CACNA1C: variants seen among roughly 807,000 people sequenced by gnomAD.
CACNA1C encodes voltage-dependent L-type calcium channel subunit alpha-1C.
CACNA1C carries 30 observed loss-of-function variants against 229.0 expected under a neutral mutation model. The observed-to-expected ratio is 0.13, with a 90% CI of 0.10 to 0.18. CACNA1C has a LOEUF of 0.18. Among genes scored for constraint, CACNA1C ranks in the 10% least tolerant of loss-of-function variants. The probability of loss-of-function intolerance (pLI) is 1.00; values close to 1 mark genes in which losing one functional copy is unlikely to be tolerated. For synonymous variants in CACNA1C, 1,114 were observed against 1,132.5 expected, an observed-to-expected ratio of 0.98 and a Z score of 0.33; for missense variants, 1,658 against 2,845.0, an observed-to-expected ratio of 0.58 and a Z score of 9.49.
intron 3 of CACNA1C, among the ~76,000 whole-genome samples, chr12:2,153,651 C>T (rs1045136193): frequency 1.2e-4 from 18 of 152,160 alleles, no homozygotes; most frequent in Non-Finnish European, 1.8e-4. Flanking sequence ...AGGACAGGGC[C>T]GTGTTGACAG....
chr12:2,094,144 G>A (rs12297374), intron 1 of CACNA1C, among the ~76,000 whole-genome samples: 2,790 of 152,336 alleles, frequency 0.018, 93 homozygotes, highest in African/African-American at 0.064. Context: ...CTGCCAAAGA[G>A]CCTGGTATTC....
In CACNA1C at chr12:2,459,176, T is replaced by G. The variant is rs1043928566; in HGVS notation, c.757+1470T>G. ...TTTTGTTTTTTTGTGTGTGTTTTTT[T>G]TTTTTTTTTTTTGTATTTTTAGTAG... On this transcript the variant is annotated intron_variant, in intron 5 of 46. Transcript: ENST00000399655. 8.7e-3 allele frequency among the ~76,000 whole-genome samples: 1,284 copies of G among 148,258 alleles called. 17 individuals are homozygous for G. The highest frequency in any genetic ancestry group is 0.044 in the East Asian group (224 of 5,084).
intron 3 of CACNA1C, among the ~76,000 whole-genome samples, chr12:2,351,850 C>T (rs922511053): frequency 4.0e-4 from 61 of 152,160 alleles, no homozygotes; most frequent in African/African-American, 1.4e-3. Context: ...TTCTGCACAC[C>T]GTGGGTCTGG....
rs1057066158 is a variant in CACNA1C, at chr12:2,467,888, G to T, written c.757+10182G>T. ...TGCGACTTCTCTGTTGCCCTGCCAG[G>T]TGCTTTGCCTCGGTTTCTCAATCTA... On this transcript the variant is annotated intron_variant, in intron 5 of 46. Coordinates refer to ENST00000399655, the MANE Select transcript of CACNA1C (RefSeq NM_000719.7). The surrounding 1 kb of genome is among the most constrained non-coding windows in gnomAD (Gnocchi z 4.6). 1.3e-5 allele frequency among the ~76,000 whole-genome samples: 2 copies of T among 152,218 alleles called. No individual in the cohort carries two copies. Among genetic ancestry groups the T allele is most frequent in the African/African-American group, 4.8e-5 (2 of 41,466 alleles).
At chr12:2,102,833 T>C (rs2076931455) in intron 1 of CACNA1C, among the ~76,000 whole-genome samples, 2 of 152,160 alleles carry the variant, frequency 1.3e-5, no homozygotes, top group African/African-American at 4.8e-5. Context: ...GAACACACAG[T>C]GTTTGGTTTT....
rs1245977373 is a variant in CACNA1C at position 2,679,731 on chromosome 12, C to T, written c.5379C>T (p.Gly1793=). The change falls in exon 42 of 47, where the codon GGC becomes GGT. Residue 1793 remains glycine (G), a synonymous_variant. Coordinates refer to ENST00000399655, the MANE Select transcript of CACNA1C (RefSeq NM_000719.7). This position sits in a 1 kb window ranked among gnomAD's most constrained non-coding sequence, Gnocchi z 5.5. ...GYPSTVSTVE[G]HGPPLSPAIR... is the part of the protein sequence containing the mutation. The stretch of plus-strand genomic sequence containing the variant: ...CCAGCACGGTCAGCACTGTGGAGGG[C>T]CACGGGCCCCCCTTGTCCCCTGCCA... 5 of 1,605,016 alleles carry T rather than the reference C, an allele frequency of 3.1e-6. No individual in the cohort carries two copies. The highest frequency in any genetic ancestry group is 4.3e-6 in the Non-Finnish European group (5 of 1,175,940).
intron 1 of CACNA1C, among the ~76,000 whole-genome samples, chr12:2,106,422 G>T (rs1368301251): frequency 1.2e-5 from 1 of 81,064 alleles, no homozygotes; most frequent in Non-Finnish European, 2.7e-5. Context: ...TGAAGCCACT[G>T]GGCGCCCACC....
Position 2,546,561 on chromosome 12 carries a change from A to G in CACNA1C, c.1391-3382A>G, listed in dbSNP as rs1249313966. Reference sequence around the variant, plus strand: ...GTAGCTGGGGTCTTCACATTCTTCCATGCAGTGGCAGGTGTCTTCGTGCTC... The same window carrying G: ...GTAGCTGGGGTCTTCACATTCTTCCGTGCAGTGGCAGGTGTCTTCGTGCTC... On this transcript the variant is annotated intron_variant, in intron 9 of 46. Coordinates refer to ENST00000399655, the MANE Select transcript of CACNA1C (RefSeq NM_000719.7). Among the ~76,000 whole-genome samples the G allele has an allele frequency of 8.6e-5, 13 of 150,702 alleles. No homozygotes were observed. In the East Asian group the frequency reaches 2.6e-3, roughly 30 times the overall value.
At chr12:1,997,954 T>C in intron 1 of CACNA1C, 1 of 1,608,888 alleles carries the variant, frequency 6.2e-7, no homozygotes, top group East Asian at 2.2e-5. Flanking sequence ...ACAAATAAGG[T>C]TCCTTCCACA....
chr12:2,551,235 C>T (rs938714765), intron 10 of CACNA1C, among the ~76,000 whole-genome samples: 1 of 151,958 alleles, frequency 6.6e-6, no homozygotes, highest in Admixed American at 6.6e-5. Flanking sequence ...AGGCCCAAGT[C>T]GCATACCAGG....
intron 5 of CACNA1C, among the ~76,000 whole-genome samples, chr12:2,468,481 G>T (rs1450117692): frequency 6.6e-6 from 1 of 151,816 alleles, no homozygotes; most frequent in Non-Finnish European, 1.5e-5. Context: ...TTTAGAGATA[G>T]GCAAATCCAG....
chr12:2,263,086 G>A (rs2154404424), intron 3 of CACNA1C, among the ~76,000 whole-genome samples: 1 of 152,350 alleles, frequency 6.6e-6, no homozygotes, highest in South Asian at 2.1e-4. Context: ...GCTTTTAATA[G>A]AGGGGTCAGG....
intron 3 of CACNA1C, among the ~76,000 whole-genome samples, chr12:2,427,653 C>T (rs553357293): frequency 2.0e-5 from 3 of 152,228 alleles, no homozygotes; most frequent in East Asian, 1.9e-4. Context: ...TGGAGTTTCA[C>T]GCTTGTCACC....
At chr12:2,335,116 A>C (rs2096652577) in intron 3 of CACNA1C, among the ~76,000 whole-genome samples, 1 of 152,072 alleles carries the variant, frequency 6.6e-6, no homozygotes, top group African/African-American at 2.4e-5. Context: ...TCTCAGCCAC[A>C]CATAGTGCCA....
At chr12:2,068,750 G>A (rs1055229098) in intron 1 of CACNA1C, among the ~76,000 whole-genome samples, 13 of 152,182 alleles carry the variant, frequency 8.5e-5, no homozygotes, top group Admixed American at 2.6e-4. Flanking sequence ...ATCTCACCCC[G>A]TCTGGCCTCA....
chr12:1,980,414 T>C (rs919242442), intron 1 of CACNA1C, among the ~76,000 whole-genome samples: 1 of 152,148 alleles, frequency 6.6e-6, no homozygotes, highest in Admixed American at 6.5e-5. Context: ...TTTGCTAATT[T>C]TTAAGTTGGC....
At chr12:2,076,976 T>C (rs1236592005) in intron 1 of CACNA1C, among the ~76,000 whole-genome samples, 5 of 152,208 alleles carry the variant, frequency 3.3e-5, no homozygotes, top group Non-Finnish European at 5.9e-5. Context: ...GCACGTGCCC[T>C]GGAGCGGACG....
intron 1 of CACNA1C, among the ~76,000 whole-genome samples, chr12:2,021,365 G>A (rs58839027): frequency 0.012 from 1,887 of 152,156 alleles, 40 homozygotes; most frequent in African/African-American, 0.043. Flanking sequence ...CCAGAAACCC[G>A]AGACTGGGTA....
chr12:2,442,410 GAGA>G (rs1364371666), intron 3 of CACNA1C, among the ~76,000 whole-genome samples: 1 of 152,120 alleles, frequency 6.6e-6, no homozygotes, highest in African/African-American at 2.4e-5. Flanking sequence ...GGAAGAAAGG[GAGA>G]AGAAGATGGA....
Sources: allele counts gnomAD v4.1 joint callset (sites outside exome capture counted in the v4.1 genomes callset), GRCh38; gene constraint gnomAD v4.1.1; non-coding constraint Gnocchi (gnomAD v3.1); transcripts MANE v1.5; gene names NCBI Gene and HGNC (gene_info 2026-07-23, HGNC 2026-07-21).